The following ABCC3 variants were observed in gnomAD, a reference collection of about 807,000 sequenced individuals.
ABCC3 encodes the protein ATP-binding cassette sub-family C member 3.
ABCC3 carries 121 observed loss-of-function variants against 165.3 expected under a neutral mutation model. The observed-to-expected ratio is 0.73, with a 90% CI of 0.63 to 0.85. The LOEUF is 0.85. Among genes scored for constraint, ABCC3 ranks in the 40% least tolerant of loss-of-function variants. The pLI is 0.00. For synonymous variants in ABCC3, 733 were observed against 810.1 expected, an observed-to-expected ratio of 0.90 and a Z score of 1.62; for missense variants, 1,869 against 1,964.1, an observed-to-expected ratio of 0.95 and a Z score of 0.92.
intron 1 of ABCC3, 84 bp from the exon 2 acceptor site, chr17:50,655,748 T>C (rs1222880555): frequency 1.6e-6 from 2 of 1,288,632 alleles, no homozygotes; most frequent in Non-Finnish European, 2.2e-6. Flanking sequence ...TGATGGAACA[T>C]CTCTCCAGCT....
chr17:50,672,795 G>A (rs746505460), intron 17 of ABCC3, among the ~76,000 whole-genome samples, 176 bp from the exon 18 acceptor site: 1 of 151,736 alleles, frequency 6.6e-6, no homozygotes, highest in Admixed American at 6.6e-5. Context: ...TTGCTCAAAC[G>A]CGAGAGGCAG....
At chr17:50,673,707 C>T (rs1250239013) in intron 19 of ABCC3, 49 bp downstream of exon 19, 6 of 1,582,442 alleles carry the variant, frequency 3.8e-6, no homozygotes, top group African/African-American at 1.3e-5. Flanking sequence ...CCAGCATTCC[C>T]CCTGTCTGGG....
At chr17:50,669,956 C>T (rs1967612734) in intron 17 of ABCC3, among the ~76,000 whole-genome samples, 1 of 151,988 alleles carries the variant, frequency 6.6e-6, no homozygotes, top group Non-Finnish European at 1.5e-5. Flanking sequence ...CCACCATACC[C>T]AGCTAAATTT....
intron 13 of ABCC3, 38 bp downstream of exon 13, chr17:50,668,047 GA>G (rs771938429): frequency 1.3e-6 from 2 of 1,582,916 alleles, no homozygotes; most frequent in Admixed American, 3.3e-5. Flanking sequence ...ACTGGAGTTG[GA>G]ACAGGTTGTT....
chr17:50,660,985 C>T lies in ABCC3; in HGVS notation c.869C>T (p.Ala290Val), dbSNP rs1268960178. 2 of 1,613,898 alleles carry T rather than the reference C, an allele frequency of 1.2e-6. No homozygotes were observed. The highest frequency in any genetic ancestry group is 1.1e-5 in the South Asian group (1 of 91,064). The change falls in exon 8 of 31, where the codon GCC becomes GTC. Residue 290 changes from alanine (A) to valine (V), a missense_variant. Ala to Val is a moderately conservative substitution (Grantham distance 64). Transcript: ENST00000285238. ...GGCGAGGACGAGGTGCTGCTGGGTG[C>T]CCGGCCCAGGCCCCGGAAGCCCTCC... The part of the protein sequence containing the change: ...ASGEDEVLLG[A>V]RPRPRKPSFL...
At position 50,683,923 on chromosome 17, in the gene ABCC3, C is replaced by G. The variant is rs1442532010; in HGVS notation, c.3955-26C>G. ...GCCTTTGACCTCTCAGCTTCCCCCT[C>G]AGAGCCCCTTCCCTTCTCCGCCCAG... On this transcript the variant is annotated intron_variant, in intron 27 of 30. Transcript: ENST00000285238. 3.1e-6 allele frequency: 5 copies of G among 1,608,782 alleles called. No individual in the cohort carries two copies. The African/African-American group carries it at 5.4e-5, about 17-fold the overall frequency.
At chr17:50,660,830 T>G in intron 7 of ABCC3, 93 bp from the exon 8 acceptor site, 1 of 1,091,366 alleles carries the variant, frequency 9.2e-7, no homozygotes, top group Non-Finnish European at 1.3e-6. Context: ...AGCTCCTTCC[T>G]CCTCCTCACT....
At chr17:50,638,288 AC>A (rs1263925164) in intron 1 of ABCC3, among the ~76,000 whole-genome samples, 2 of 151,664 alleles carry the variant, frequency 1.3e-5, no homozygotes, top group Non-Finnish European at 2.9e-5. Context: ...GGAGGTATTT[AC>A]CCCCCGCCAG....
At chr17:50,647,025 C>A (rs765491600) in intron 1 of ABCC3, among the ~76,000 whole-genome samples, 5 of 152,094 alleles carry the variant, frequency 3.3e-5, no homozygotes, top group Non-Finnish European at 7.4e-5. Flanking sequence ...ATTACAGGTG[C>A]CTGCCACCAC....
chr17:50,672,348 T>G (rs148486426), intron 17 of ABCC3, among the ~76,000 whole-genome samples: 112 of 152,352 alleles, frequency 7.4e-4, no homozygotes, highest in Non-Finnish European at 1.5e-3. Context: ...GTGTCAGAAT[T>G]TCCCTCCTTG....
chr17:50,673,256 C>G, intron 18 of ABCC3, 118 bp downstream of exon 18: 2 of 1,368,678 alleles, frequency 1.5e-6, no homozygotes, highest in South Asian at 2.7e-5. Context: ...AAGAAGTGGG[C>G]ATGTGGGTTG....
Position 50,669,110 on chromosome 17 carries a change from T to C in ABCC3, c.1938-30T>C. On this transcript the variant is annotated intron_variant, in intron 15 of 30. Coordinates refer to ENST00000285238, the MANE Select transcript of ABCC3 (RefSeq NM_003786.4). ...AGACCAAAACCCTGATCCCTGCCTCTAACTGGACTCCTGGGGTCCTTGCCC... is the reference window on the plus strand; with the variant it reads ...AGACCAAAACCCTGATCCCTGCCTCCAACTGGACTCCTGGGGTCCTTGCCC... 1.9e-6 allele frequency: 3 copies of C among 1,589,602 alleles called. No homozygotes were observed. The African/African-American group carries it at 4.1e-5, about 22-fold the overall frequency.
At chr17:50,656,186 A>G (rs1967239777) in intron 2 of ABCC3, among the ~76,000 whole-genome samples, 178 bp downstream of exon 2, 1 of 152,152 alleles carries the variant, frequency 6.6e-6, no homozygotes, top group Admixed American at 6.5e-5. Context: ...TCTGGGTTCA[A>G]GCGATTCTCC....
At chr17:50,672,859 C>T in intron 17 of ABCC3, 112 bp from the exon 18 acceptor site, 2 of 937,550 alleles carry the variant, frequency 2.1e-6, no homozygotes, top group South Asian at 1.7e-5. Context: ...GTGAGTGAGA[C>T]CCCATCTCAG....
intron 1 of ABCC3, among the ~76,000 whole-genome samples, chr17:50,652,090 T>C (rs1485335237): frequency 6.6e-6 from 1 of 152,266 alleles, no homozygotes; most frequent in Non-Finnish European, 1.5e-5. Flanking sequence ...AGAGAATACT[T>C]CATTTATACA....
In ABCC3 at chr17:50,682,972, G is replaced by T. The variant is rs149502616; in HGVS notation, c.3808-638G>T. On this transcript the variant is annotated intron_variant, in intron 26 of 30. Coordinates refer to ENST00000285238, the MANE Select transcript of ABCC3 (RefSeq NM_003786.4). Reference sequence around the variant, plus strand: ...TCCCAGGACTTTGGGAATCCTCCTAGGCAGGAGGATCCCTGGAGGCTAGGA... The same window carrying T: ...TCCCAGGACTTTGGGAATCCTCCTATGCAGGAGGATCCCTGGAGGCTAGGA... Among the ~76,000 whole-genome samples the T allele has an allele frequency of 6.4e-4, 97 of 152,212 alleles. 1 individual carries two copies. Among genetic ancestry groups the T allele is most frequent in the African/African-American group, 2.3e-3 (94 of 41,532 alleles).
chr17:50,656,690 C>T lies in ABCC3; in HGVS notation c.223-12C>T, dbSNP rs200339030. On this transcript the variant is annotated splice_polypyrimidine_tract_variant and intron_variant, in intron 2 of 30. Transcript: ENST00000285238. ...CTGGGGATGCGGATTCCAACCTGTG[C>T]TCTCTTCGCAGGTCCTGGGTGTCCT... 3.1e-4 allele frequency: 506 copies of T among 1,606,764 alleles called. 1 individual carries two copies. Among genetic ancestry groups the T allele is most frequent in the Non-Finnish European group, 4.0e-4 (474 of 1,177,020 alleles).
Position 50,691,758 on chromosome 17 carries a change from G to C in ABCC3, c.*558G>C, listed in dbSNP as rs531215115. The C allele has an allele frequency of 6.6e-6, 1 of 152,598 alleles. No individual in the cohort carries two copies. The highest frequency in any genetic ancestry group is 1.5e-5 in the Non-Finnish European group (1 of 68,340). 9.5% of individuals were successfully genotyped at this position (152,598 alleles called of 1,614,324 possible). On this transcript the variant is annotated 3_prime_UTR_variant, in exon 31 of 31. Transcript: ENST00000285238. Reference sequence around the variant, plus strand: ...CAAGGTTTGGGGATTAGGATCTTTGGAGGAGGCCAAGAGGAAGACTTTCTA... The same window carrying C: ...CAAGGTTTGGGGATTAGGATCTTTGCAGGAGGCCAAGAGGAAGACTTTCTA...
intron 17 of ABCC3, among the ~76,000 whole-genome samples, chr17:50,670,968 A>G (rs1281233041): frequency 1.3e-5 from 2 of 152,180 alleles, no homozygotes; most frequent in South Asian, 2.1e-4. Context: ...CACACATAAC[A>G]TAAAATATAT....
Sources: allele counts gnomAD v4.1 joint callset (sites outside exome capture counted in the v4.1 genomes callset), GRCh38; gene constraint gnomAD v4.1.1; transcripts MANE v1.5; gene names NCBI Gene and HGNC (gene_info 2026-07-23, HGNC 2026-07-21).